Variants in GALNT13 observed in about 807,000 individuals in gnomAD.
The protein encoded by GALNT13 is polypeptide N-acetylgalactosaminyltransferase 13, also known as UDP-GalNAc:polypeptide N-acetylgalactosaminyltransferase 13.
In GALNT13, 28 loss-of-function variants were observed where a neutral mutation model predicts 64.2. The observed-to-expected ratio is 0.44, with a 90% CI of 0.32 to 0.60. The LOEUF (loss-of-function observed/expected upper bound fraction) is 0.60, where lower values mean the gene tolerates loss of function less well. GALNT13 is among the 20% of genes least tolerant of loss of function. The pLI is 0.05. For synonymous variants in GALNT13, 214 were observed against 224.6 expected (o/e 0.95, Z 0.42); for missense variants, 577 against 669.8 (o/e 0.86, Z 1.53).
At chr2:153,234,706 C>G in the GALNT13 span, among the ~76,000 whole-genome samples, 2 of 152,126 alleles carry the variant, frequency 1.3e-5, no homozygotes, top group African/African-American at 4.8e-5. Flanking sequence ...TACATGTGCT[C>G]TCATATTTCC....
intron 9 of GALNT13, among the ~76,000 whole-genome samples, chr2:154,390,857 G>A (rs987635276): frequency 1.3e-5 from 2 of 152,090 alleles, no homozygotes; most frequent in Non-Finnish European, 1.5e-5. Flanking sequence ...TTTTGCCACA[G>A]CGTGTGTCAC....
At chr2:153,235,385 C>A in the GALNT13 span, among the ~76,000 whole-genome samples, 1 of 152,036 alleles carries the variant, frequency 6.6e-6, no homozygotes, top group East Asian at 1.9e-4. Flanking sequence ...GGTGAGACAG[C>A]ACCAACTGAC....
the GALNT13 span, among the ~76,000 whole-genome samples, chr2:153,610,842 G>T: frequency 7.2e-5 from 11 of 152,076 alleles, no homozygotes; most frequent in African/African-American, 2.7e-4. Context: ...ATTAATACTA[G>T]AAAATTTTGA....
the GALNT13 span, among the ~76,000 whole-genome samples, chr2:153,393,987 CA>C: frequency 1.4e-4 from 12 of 86,730 alleles, no homozygotes; most frequent in Non-Finnish European, 2.9e-4. Context: ...CACACACACA[CA>C]CACCCCCTAT....
the GALNT13 span, among the ~76,000 whole-genome samples, chr2:153,088,124 C>G: frequency 6.6e-6 from 1 of 151,928 alleles, no homozygotes; most frequent in East Asian, 1.9e-4. Context: ...TTTCTTAGCA[C>G]TGTTTTTGCT....
chr2:153,292,785 G>C, the GALNT13 span, among the ~76,000 whole-genome samples: 2 of 152,092 alleles, frequency 1.3e-5, no homozygotes, highest in Admixed American at 1.3e-4. Flanking sequence ...AAAAATTACA[G>C]AAAGAAGAAA....
chr2:154,378,343 C>G (rs1051365270), intron 9 of GALNT13, among the ~76,000 whole-genome samples: 1 of 152,142 alleles, frequency 6.6e-6, no homozygotes, highest in African/African-American at 2.4e-5. Flanking sequence ...TGTGCCTTCA[C>G]TTGAGACAAT....
At chr2:153,343,279 G>C in the GALNT13 span, among the ~76,000 whole-genome samples, 4 of 152,146 alleles carry the variant, frequency 2.6e-5, no homozygotes, top group Admixed American at 2.6e-4. Context: ...ACCAAGATGA[G>C]ATACAGTCAG....
the GALNT13 span, among the ~76,000 whole-genome samples, chr2:153,456,919 G>T: frequency 3.9e-5 from 6 of 152,212 alleles, no homozygotes; most frequent in African/African-American, 1.4e-4. Context: ...AGGATCAGTT[G>T]TAAGGCATCA....
chr2:154,176,337 C>T (rs1417982792), intron 4 of GALNT13, among the ~76,000 whole-genome samples: 2 of 150,824 alleles, frequency 1.3e-5, no homozygotes, highest in African/African-American at 2.4e-5. Context: ...TGCAGTGGCG[C>T]GATCTTGGCT....
chr2:153,925,169 G>C (rs1005753207), intron 2 of GALNT13, among the ~76,000 whole-genome samples: 4 of 152,072 alleles, frequency 2.6e-5, no homozygotes, highest in Non-Finnish European at 5.9e-5. Context: ...TTTTCTCCTA[G>C]GGGTTTTATA....
At chr2:154,337,463 A>T (rs1163154681) in intron 9 of GALNT13, among the ~76,000 whole-genome samples, 1 of 152,066 alleles carries the variant, frequency 6.6e-6, no homozygotes, top group Non-Finnish European at 1.5e-5. Flanking sequence ...TTACATCTAG[A>T]TCATGGGTAT....
chr2:154,184,545 A>G (rs918642841), intron 4 of GALNT13, among the ~76,000 whole-genome samples: 1 of 151,790 alleles, frequency 6.6e-6, no homozygotes, highest in Non-Finnish European at 1.5e-5. Flanking sequence ...TATCATTTAC[A>G]GTTTCCTCTT....
At chr2:154,211,389 G>A (rs1474785872) in intron 4 of GALNT13, among the ~76,000 whole-genome samples, 1 of 151,908 alleles carries the variant, frequency 6.6e-6, no homozygotes, top group Non-Finnish European at 1.5e-5. Flanking sequence ...CACTTTGGAA[G>A]GCCGAGGTGG....
chr2:153,252,969 A>T, the GALNT13 span, among the ~76,000 whole-genome samples: 4 of 151,838 alleles, frequency 2.6e-5, no homozygotes, highest in African/African-American at 7.3e-5. Context: ...TTTTGGTTCC[A>T]TATGAACTTT....
the GALNT13 span, among the ~76,000 whole-genome samples, chr2:153,272,232 C>T: frequency 5.7e-3 from 861 of 152,218 alleles, 8 homozygotes; most frequent in African/African-American, 0.019. Flanking sequence ...ACACTAAAAG[C>T]AACGGCAACA....
intron 9 of GALNT13, among the ~76,000 whole-genome samples, chr2:154,333,500 T>A (rs1695278979): frequency 6.6e-6 from 1 of 152,074 alleles, no homozygotes; most frequent in African/African-American, 2.4e-5. Flanking sequence ...GGGTTTGAAA[T>A]AATGATGTTT....
At chr2:153,936,588 C>A (rs1176971183) in intron 2 of GALNT13, among the ~76,000 whole-genome samples, 1 of 152,162 alleles carries the variant, frequency 6.6e-6, no homozygotes, top group Non-Finnish European at 1.5e-5. Flanking sequence ...CATAAATATT[C>A]TTATTCCCGC....
chr2:153,412,892 A>G, the GALNT13 span, among the ~76,000 whole-genome samples: 7 of 152,226 alleles, frequency 4.6e-5, no homozygotes, highest in African/African-American at 1.4e-4. Flanking sequence ...AAAAGGAGAC[A>G]TAACAGTCAG....
Sources: gnomAD v4.1 joint callset for allele counts (sites outside exome capture counted in the v4.1 genomes callset) on GRCh38, gnomAD v4.1.1 for gene constraint, MANE v1.5 for transcripts, NCBI Gene and HGNC (gene_info 2026-07-23, HGNC 2026-07-21) for gene names.